The following RORB variants were observed in gnomAD, a reference collection of about 807,000 sequenced individuals.
RORB encodes nuclear receptor ROR-beta.
RORB carries 6 observed loss-of-function variants against 59.1 expected under a neutral mutation model. The observed-to-expected ratio is 0.10, with a 90% confidence interval of 0.06 to 0.20. The LOEUF is 0.20. RORB is among the 10% of genes least tolerant of loss of function. RORB has a pLI of 1.00. For missense variants in RORB, 320 were observed against 560.5 expected, an observed-to-expected ratio of 0.57 and a Z score of 4.33; for synonymous variants, 215 against 204.5, an observed-to-expected ratio of 1.05 and a Z score of -0.44.
intron 1 of RORB, among the ~76,000 whole-genome samples, chr9:74,528,214 A>G (rs1826185441): frequency 6.6e-6 from 1 of 152,034 alleles, no homozygotes; most frequent in Non-Finnish European, 1.5e-5. Flanking sequence ...TGTAAGCTAC[A>G]TAAAGGGACT....
intron 1 of RORB, among the ~76,000 whole-genome samples, chr9:74,604,314 A>G (rs1469575140): frequency 6.6e-6 from 1 of 152,210 alleles, no homozygotes; most frequent in Non-Finnish European, 1.5e-5. Flanking sequence ...TCTTCAGAAA[A>G]TCAGAATAAG....
At chr9:74,529,075 G>C (rs1005583978) in intron 1 of RORB, among the ~76,000 whole-genome samples, 4 of 151,960 alleles carry the variant, frequency 2.6e-5, no homozygotes, top group Non-Finnish European at 5.9e-5. Context: ...TGGTTAAAGA[G>C]TAGAGGAAAT....
At chr9:74,667,119 C>A (rs1294679574) in intron 7 of RORB, among the ~76,000 whole-genome samples, 1 of 152,212 alleles carries the variant, frequency 6.6e-6, no homozygotes, top group Non-Finnish European at 1.5e-5. Flanking sequence ...ATATTTCCAG[C>A]TTCATCAAAT....
chr9:74,532,321 G>A (rs550305769), intron 1 of RORB, among the ~76,000 whole-genome samples: 3 of 151,900 alleles, frequency 2.0e-5, no homozygotes, highest in African/African-American at 7.2e-5. Context: ...GATCAGTTCT[G>A]ATATCCAGCT....
chr9:74,611,380 T>G (rs1037689927), intron 1 of RORB, among the ~76,000 whole-genome samples: 1 of 152,222 alleles, frequency 6.6e-6, no homozygotes, highest in Non-Finnish European at 1.5e-5. Context: ...GATTTTTGTT[T>G]CAACTTCCTT....
chr9:74,559,613 A>G (rs543220796), intron 1 of RORB, among the ~76,000 whole-genome samples: 8 of 152,272 alleles, frequency 5.3e-5, no homozygotes, highest in African/African-American at 1.9e-4. Context: ...ACAAATCCAG[A>G]TATTTCAGAC....
intron 1 of RORB, among the ~76,000 whole-genome samples, chr9:74,540,654 T>A (rs549692515): frequency 8.5e-4 from 130 of 152,316 alleles, no homozygotes; most frequent in African/African-American, 3.1e-3. Context: ...TCATTCTTTT[T>A]TTTTTAAGCT....
intron 4 of RORB, among the ~76,000 whole-genome samples, chr9:74,652,181 C>G (rs1587406765): frequency 1.3e-5 from 2 of 152,264 alleles, no homozygotes; most frequent in Non-Finnish European, 2.9e-5. Context: ...CCGAGGCGGG[C>G]AGATCATCTG....
At chr9:74,543,344 G>C (rs548310009) in intron 1 of RORB, among the ~76,000 whole-genome samples, 63 of 152,350 alleles carry the variant, frequency 4.1e-4, no homozygotes, top group African/African-American at 1.4e-3. Context: ...CCTTTGAGGA[G>C]GAGCTGCATC....
rs556468978 is a variant in RORB, at chr9:74,499,983, A to G, written c.7+2000A>G. ...AGCTTGATCTAGCATCTCCTGAAGG[A>G]GCAGTTTGCAGATGACTGTCCTGGT... On this transcript the variant is annotated intron_variant, in intron 1 of 9. Transcript: ENST00000376896. Among the ~76,000 whole-genome samples, 8 of 152,210 alleles carry G rather than the reference A, an allele frequency of 5.3e-5. No homozygotes were observed. The East Asian group carries it at 1.5e-3, about 29-fold the overall frequency.
intron 1 of RORB, among the ~76,000 whole-genome samples, chr9:74,571,259 C>T (rs975423651): frequency 2.0e-5 from 3 of 152,050 alleles, no homozygotes; most frequent in African/African-American, 7.2e-5. Context: ...TAAACCATGA[C>T]TAAATCATTC....
rs142155549 is a variant in RORB, at chr9:74,546,168, A to T, written c.7+48185A>T. On this transcript the variant is annotated intron_variant, in intron 1 of 9. Coordinates refer to ENST00000376896, the MANE Select transcript of RORB (RefSeq NM_006914.4). ...GAAGATTTCAAACTGCCATGATGGG[A>T]AGCAAAAAATGATTTGATTTTAGAT... is the stretch of plus-strand genomic sequence containing the variant. 1.5e-3 allele frequency among the ~76,000 whole-genome samples: 223 copies of T among 152,294 alleles called. 1 individual carries two copies. The highest frequency in any genetic ancestry group is 5.0e-3 in the African/African-American group (206 of 41,582).
chr9:74,532,151 A>G (rs1159662640), intron 1 of RORB, among the ~76,000 whole-genome samples: 1 of 152,066 alleles, frequency 6.6e-6, no homozygotes, highest in African/African-American at 2.4e-5. Flanking sequence ...ATTTCTAAAA[A>G]TTAAACGAAT....
chr9:74,559,790 T>A (rs1168367038), intron 1 of RORB, among the ~76,000 whole-genome samples: 1 of 152,162 alleles, frequency 6.6e-6, no homozygotes, highest in Non-Finnish European at 1.5e-5. Context: ...ACAGTAGATG[T>A]AATACTGTTA....
chr9:74,642,784 G>T lies in RORB; in HGVS notation c.606G>T (p.Gln202His). The T allele has an allele frequency of 6.2e-7, 1 of 1,606,330 alleles. No individual in the cohort carries two copies. Among genetic ancestry groups the T allele is most frequent in the Non-Finnish European group, 8.5e-7 (1 of 1,174,424 alleles). Residue 202 changes from glutamine to histidine, a missense_variant, in exon 4 of 10, where the codon CAG becomes CAT. This residue lies in a region of RORB where 134 missense variants were observed against 156.2 expected (regional missense o/e 0.86). Coordinates refer to ENST00000376896, the MANE Select transcript of RORB (RefSeq NM_006914.4). ...CCTATAGCTCTTTCAACAATGGGCA[G>T]TTAGCACCAGGGATAACCATGACTG... ...LFTYSSFNNG[Q>H]LAPGITMTEI...
At chr9:74,585,177 C>T (rs1450523649) in intron 1 of RORB, among the ~76,000 whole-genome samples, 2 of 152,166 alleles carry the variant, frequency 1.3e-5, no homozygotes, top group Non-Finnish European at 2.9e-5. Flanking sequence ...CTGAGTGCAT[C>T]GATAGCATTT....
chr9:74,685,289 C>A (rs1251625726), intron 9 of RORB, among the ~76,000 whole-genome samples, 174 bp from the exon 10 acceptor site: 1 of 151,320 alleles, frequency 6.6e-6, no homozygotes, highest in East Asian at 1.9e-4. Context: ...GGGGTGGGTA[C>A]GTTTTATTTT....
At position 74,573,651 on chromosome 9, in the gene RORB, C is replaced by T. The variant is rs113247296; in HGVS notation, c.8-56631C>T. Among the ~76,000 whole-genome samples the T allele has an allele frequency of 8.7e-3, 1,328 of 152,188 alleles. 10 individuals carry two copies. Among genetic ancestry groups the T allele is most frequent in the Non-Finnish European group, 0.013 (901 of 68,010 alleles). On this transcript the variant is annotated intron_variant, in intron 1 of 9. Transcript: ENST00000376896. The stretch of plus-strand genomic sequence containing the variant: ...AAGCACTTGGCCAGAAATCTCCCGG[C>T]TACTGTCTGGTTTCCAACTCCTTTT...
intron 6 of RORB, among the ~76,000 whole-genome samples, chr9:74,664,565 A>G (rs147646703): frequency 1.3e-3 from 194 of 151,920 alleles, no homozygotes; most frequent in African/African-American, 4.4e-3. Flanking sequence ...TAGATACTCA[A>G]TAAATGGTAC....
Sources: allele counts gnomAD v4.1 joint callset (sites outside exome capture counted in the v4.1 genomes callset), GRCh38; gene constraint gnomAD v4.1.1; regional missense constraint gnomAD v4.1.1; transcripts MANE v1.5; gene names NCBI Gene and HGNC (gene_info 2026-07-23, HGNC 2026-07-21).